The following SCAPER variants were observed in gnomAD, a reference collection of about 807,000 sequenced individuals.
SCAPER encodes the protein S-phase cyclin A associated protein in the ER.
In SCAPER, 98 loss-of-function variants were observed where a neutral mutation model predicts 182.2. The observed-to-expected ratio is 0.54, with a 90% CI of 0.46 to 0.64. The LOEUF (loss-of-function observed/expected upper bound fraction) is 0.64, where lower values mean the gene tolerates loss of function less well. Ranked by LOEUF, SCAPER falls within the 30% of genes least tolerant of loss-of-function variation. The probability of loss-of-function intolerance (pLI) is 0.00; values close to 1 mark genes in which losing one functional copy is unlikely to be tolerated. For missense variants in SCAPER, 1,432 were observed against 1,690.0 expected (o/e 0.85, Z 2.68); for synonymous variants, 605 against 564.6 (o/e 1.07, Z -1.01).
At chr15:76,582,992 T>C (rs151079014) in intron 22 of SCAPER, among the ~76,000 whole-genome samples, 1 of 152,206 alleles carries the variant, frequency 6.6e-6, no homozygotes, top group East Asian at 1.9e-4. Flanking sequence ...ATCTAAGACC[T>C]CAAACTATGA....
chr15:76,840,825 A>T (rs2069400626), intron 5 of SCAPER, among the ~76,000 whole-genome samples: 1 of 152,174 alleles, frequency 6.6e-6, no homozygotes, highest in African/African-American at 2.4e-5. Flanking sequence ...AGATAGAGAC[A>T]CTCTACACCA....
At chr15:76,732,699 T>TA (rs1422773221) in intron 16 of SCAPER, among the ~76,000 whole-genome samples, 1 of 152,198 alleles carries the variant, frequency 6.6e-6, no homozygotes, top group East Asian at 1.9e-4. Context: ...TGCCCGCAGT[T>TA]ATCCTGAGGC....
chr15:76,425,207 G>A (rs1163687676), intron 26 of SCAPER, among the ~76,000 whole-genome samples: 1 of 152,228 alleles, frequency 6.6e-6, no homozygotes, highest in Non-Finnish European at 1.5e-5. Flanking sequence ...ATCCTGCAGA[G>A]TGTTTTCCAA....
chr15:76,407,409 T>A (rs2044936410), intron 26 of SCAPER, among the ~76,000 whole-genome samples: 1 of 152,224 alleles, frequency 6.6e-6, no homozygotes. Context: ...CATTATGCAG[T>A]GCATTACTAT....
At chr15:76,475,100 A>C (rs918176031) in intron 24 of SCAPER, among the ~76,000 whole-genome samples, 1 of 152,254 alleles carries the variant, frequency 6.6e-6, no homozygotes, top group Non-Finnish European at 1.5e-5. Flanking sequence ...ATGTGCATTT[A>C]TGCTGATAAA....
At chr15:76,696,093 C>T (rs1255044818) in intron 20 of SCAPER, among the ~76,000 whole-genome samples, 2 of 152,110 alleles carry the variant, frequency 1.3e-5, no homozygotes, top group African/African-American at 4.8e-5. Context: ...ACAGTGAATA[C>T]TTCTTCTACA....
chr15:76,889,854 T>A (rs1319597762), intron 1 of SCAPER, among the ~76,000 whole-genome samples: 1 of 152,170 alleles, frequency 6.6e-6, no homozygotes, highest in Admixed American at 6.6e-5. Context: ...CCACCCCAAT[T>A]CAACAGAATA....
intron 23 of SCAPER, among the ~76,000 whole-genome samples, chr15:76,510,177 A>G (rs1046849002): frequency 1.3e-5 from 2 of 152,244 alleles, no homozygotes; most frequent in African/African-American, 4.8e-5. Flanking sequence ...CAAGGATTTC[A>G]TGACCAAGAA....
intron 23 of SCAPER, among the ~76,000 whole-genome samples, chr15:76,564,045 C>T (rs565735323): frequency 6.6e-6 from 1 of 152,142 alleles, no homozygotes; most frequent in South Asian, 2.1e-4. Flanking sequence ...TACGACAAAC[C>T]CACAGCCAAC....
At chr15:76,880,129 T>C (rs546622125) in intron 2 of SCAPER, among the ~76,000 whole-genome samples, 22 of 152,218 alleles carry the variant, frequency 1.4e-4, no homozygotes, top group Non-Finnish European at 2.8e-4. Context: ...TGTATGAAAA[T>C]CTCTGAACAC....
intron 22 of SCAPER, among the ~76,000 whole-genome samples, chr15:76,607,386 G>A (rs1007207820): frequency 2.6e-5 from 4 of 152,218 alleles, no homozygotes; most frequent in Admixed American, 6.5e-5. Flanking sequence ...TGAGAGATCA[G>A]CTGTTCATCT....
chr15:76,765,576 A>G lies in SCAPER; in HGVS notation c.1482T>C (p.Leu494=), dbSNP rs1338897635. ...CGMSMDWNDV[L]ADYEARESWR... is the part of the protein sequence containing the mutation. The stretch of plus-strand genomic sequence containing the variant: ...TATACACAATACCTTCATAATCTGC[A>G]AGGACATCGTTCCAGTCCATGGACA... The change falls in exon 12 of 32, where the codon CTT becomes CTC. Residue 494 remains leucine, a synonymous_variant. Coordinates refer to ENST00000563290, the MANE Select transcript of SCAPER (RefSeq NM_020843.4). 3 of 1,595,092 alleles carry G rather than the reference A, an allele frequency of 1.9e-6. No homozygotes were observed. The highest frequency in any genetic ancestry group is 2.3e-5 in the South Asian group (2 of 88,194).
intron 8 of SCAPER, among the ~76,000 whole-genome samples, chr15:76,781,495 C>T (rs2064134930): frequency 1.3e-5 from 2 of 152,106 alleles, no homozygotes; most frequent in South Asian, 4.1e-4. Context: ...ACTTCCCCAA[C>T]CTAGCAAGAC....
intron 5 of SCAPER, among the ~76,000 whole-genome samples, chr15:76,820,704 C>T (rs1296701505): frequency 2.7e-5 from 4 of 150,874 alleles, no homozygotes; most frequent in Admixed American, 1.3e-4. Flanking sequence ...CAAACCTGCA[C>T]GTTGTGCACA....
intron 24 of SCAPER, among the ~76,000 whole-genome samples, chr15:76,495,434 C>T (rs778818067): frequency 1.1e-4 from 16 of 151,818 alleles, no homozygotes; most frequent in South Asian, 2.1e-4. Flanking sequence ...AAAAATTACC[C>T]GGGCATGGTG....
intron 22 of SCAPER, among the ~76,000 whole-genome samples, chr15:76,582,304 A>C (rs1425417441): frequency 6.6e-6 from 1 of 152,234 alleles, no homozygotes; most frequent in Non-Finnish European, 1.5e-5. Context: ...GCATTTCTAC[A>C]TCCTGACAGC....
chr15:76,517,257 T>A (rs997176677), intron 23 of SCAPER, among the ~76,000 whole-genome samples: 1 of 152,046 alleles, frequency 6.6e-6, no homozygotes. Context: ...TTTTTAAAAC[T>A]TTTTATTTTC....
At chr15:76,870,472 C>G (rs2151912907) in intron 2 of SCAPER, among the ~76,000 whole-genome samples, 1 of 151,190 alleles carries the variant, frequency 6.6e-6, no homozygotes, top group East Asian at 1.9e-4. Context: ...ACACATTAGC[C>G]AAGTAATAAA....
intron 29 of SCAPER, among the ~76,000 whole-genome samples, chr15:76,366,206 T>C (rs2141794460): frequency 6.6e-6 from 1 of 152,268 alleles, no homozygotes; most frequent in Admixed American, 6.5e-5. Context: ...GGACAGCATT[T>C]AATAATGCCT....
Sources: allele counts gnomAD v4.1 joint callset (sites outside exome capture counted in the v4.1 genomes callset), GRCh38; gene constraint gnomAD v4.1.1; transcripts MANE v1.5; gene names NCBI Gene and HGNC (gene_info 2026-07-23, HGNC 2026-07-21).